AFAP1L1: variants seen among roughly 807,000 people sequenced by gnomAD.
AFAP1L1 encodes actin filament-associated protein 1-like 1.
In AFAP1L1, 77 loss-of-function variants were observed where a neutral mutation model predicts 99.8. The ratio of observed to expected loss-of-function variants is 0.77; its 90% CI spans 0.64 to 0.93. The LOEUF (loss-of-function observed/expected upper bound fraction) is 0.93, where lower values mean the gene tolerates loss of function less well. Ranked by LOEUF, AFAP1L1 falls within the 40% of genes least tolerant of loss-of-function variation. The pLI is 0.00. For synonymous variants in AFAP1L1, 373 were observed against 395.3 expected (o/e 0.94, Z 0.67); for missense variants, 893 against 996.8 (o/e 0.90, Z 1.40).
At chr5:149,312,036 C>A in intron 8 of AFAP1L1, 76 bp from the exon 9 acceptor site, 1 of 1,372,632 alleles carries the variant, frequency 7.3e-7, no homozygotes, top group Non-Finnish European at 1.0e-6. Flanking sequence ...ACAGCATTCA[C>A]CACACAGTCC....
intron 1 of AFAP1L1, among the ~76,000 whole-genome samples, chr5:149,289,161 C>T (rs956252603): frequency 1.3e-5 from 2 of 152,162 alleles, no homozygotes; most frequent in African/African-American, 2.4e-5. Flanking sequence ...TCCGAAATTA[C>T]GTACGGGCAA....
intron 7 of AFAP1L1, 67 bp from the exon 8 acceptor site, chr5:149,309,889 T>C (rs965560909): frequency 1.2e-6 from 2 of 1,603,026 alleles, no homozygotes; most frequent in Non-Finnish European, 8.5e-7. Context: ...CGAGCCTTTG[T>C]GTGAGGATGT....
intron 15 of AFAP1L1, among the ~76,000 whole-genome samples, chr5:149,322,950 A>G (rs916167776): frequency 6.6e-6 from 1 of 152,054 alleles, no homozygotes; most frequent in Non-Finnish European, 1.5e-5. Context: ...GTACTGTAGG[A>G]AACCGGTACC....
intron 1 of AFAP1L1, among the ~76,000 whole-genome samples, chr5:149,293,790 A>G (rs1403729418): frequency 1.3e-5 from 2 of 152,244 alleles, no homozygotes; most frequent in African/African-American, 4.8e-5. Flanking sequence ...CTTCACAAGC[A>G]TAACCTTACC....
Position 149,304,541 on chromosome 5 carries a change from C to T in AFAP1L1, c.437-1765C>T, listed in dbSNP as rs370345215. Among the ~76,000 whole-genome samples, 23 of 152,334 alleles carry T rather than the reference C, an allele frequency of 1.5e-4. No homozygotes were observed. In the East Asian group the frequency reaches 3.3e-3, roughly 22 times the overall value. The stretch of plus-strand genomic sequence containing the variant: ...CAGACAGGGCAGAGAAGACACCTCC[C>T]AGAAGCAGCTGGAATCCTGGGGCAG... On this transcript the variant is annotated intron_variant, in intron 5 of 18. Coordinates refer to ENST00000296721, the MANE Select transcript of AFAP1L1 (RefSeq NM_152406.4).
intron 1 of AFAP1L1, among the ~76,000 whole-genome samples, chr5:149,276,194 A>G (rs1039251686): frequency 6.6e-6 from 1 of 152,186 alleles, no homozygotes; most frequent in African/African-American, 2.4e-5. Flanking sequence ...AAGCTGCACT[A>G]TTCAGATATT....
In AFAP1L1 at chr5:149,320,428, C is replaced by T. The variant is rs895245879; in HGVS notation, c.1663C>T (p.Arg555Ter). 6.2e-6 allele frequency: 10 copies of T among 1,614,044 alleles called. No homozygotes were observed. The highest frequency in any genetic ancestry group is 4.0e-5 in the African/African-American group (3 of 74,926). Residue 555 changes from arginine (R) to a stop codon, truncating the protein, a stop_gained, in exon 14 of 19, where the codon CGA (arginine) becomes TGA (stop). Coordinates refer to ENST00000296721, the MANE Select transcript of AFAP1L1 (RefSeq NM_152406.4). LOFTEE classifies it high-confidence loss of function. The surrounding 1 kb of genome is among the most constrained non-coding windows in gnomAD (Gnocchi z 4.0). ...CTGCCAGAATCAGTGGCCTGAGCCC[C>T]GAGTCTATGATGATGTTCCTTATGA... ...RSCQNQWPEP[R>*]VYDDVPYEKM...
rs762669097 is a variant in AFAP1L1 at position 149,320,076 on chromosome 5, C to T, written c.1626-315C>T. ...CATTTGGTACTAGAAGAGCCAAGTT[C>T]GAGTCCCAGCTCAGTCACCACCAGC... On this transcript the variant is annotated intron_variant, in intron 13 of 18. Coordinates refer to ENST00000296721, the MANE Select transcript of AFAP1L1 (RefSeq NM_152406.4). This position sits in a 1 kb window ranked among gnomAD's most constrained non-coding sequence, Gnocchi z 4.0. Among the ~76,000 whole-genome samples the T allele has an allele frequency of 2.6e-5, 4 of 152,150 alleles. No homozygotes were observed. Among genetic ancestry groups the T allele is most frequent in the South Asian group, 2.1e-4 (1 of 4,822 alleles).
At chr5:149,308,016 G>T (rs1414894802) in intron 7 of AFAP1L1, among the ~76,000 whole-genome samples, 1 of 151,898 alleles carries the variant, frequency 6.6e-6, no homozygotes, top group Non-Finnish European at 1.5e-5. Flanking sequence ...AATTAGCCAG[G>T]TGTGCGCCTG....
Position 149,300,364 on chromosome 5 carries a change from C to T in AFAP1L1, c.229+10C>T. The T allele has an allele frequency of 6.2e-7, 1 of 1,608,406 alleles. No individual in the cohort carries two copies. The highest frequency in any genetic ancestry group is 8.5e-7 in the Non-Finnish European group (1 of 1,176,164). On this transcript the variant is annotated intron_variant, in intron 3 of 18. Transcript: ENST00000296721. Reference sequence around the variant, plus strand: ...CTCTTTGAAGAATTTGGTAAGTGACCCTCTCCCAACCTCAGCTACGGAGCC... The same window carrying T: ...CTCTTTGAAGAATTTGGTAAGTGACTCTCTCCCAACCTCAGCTACGGAGCC...
At chr5:149,329,474 C>T (rs939177798) in intron 15 of AFAP1L1, among the ~76,000 whole-genome samples, 192 bp from the exon 16 acceptor site, 4 of 152,202 alleles carry the variant, frequency 2.6e-5, no homozygotes, top group South Asian at 2.1e-4. Context: ...GCTCCTAGTC[C>T]GTGTGCCCTG....
Position 149,342,194 on chromosome 5 carries a change from T to G in AFAP1L1, c.*2164T>G, listed in dbSNP as rs749097758. ...GAACAAGGAGTTCTGCTTTTCCTTT[T>G]GCCCTTTAAATTAGATAGCCAGTCC... On this transcript the variant is annotated 3_prime_UTR_variant, in exon 19 of 19. Transcript: ENST00000296721. Among the ~76,000 whole-genome samples, 1 of 152,224 alleles carries G rather than the reference T, an allele frequency of 6.6e-6. No individual in the cohort carries two copies. Among genetic ancestry groups the G allele is most frequent in the Non-Finnish European group, 1.5e-5 (1 of 68,030 alleles).
At chr5:149,323,604 A>C (rs1225458190) in intron 15 of AFAP1L1, among the ~76,000 whole-genome samples, 1 of 152,240 alleles carries the variant, frequency 6.6e-6, no homozygotes, top group African/African-American at 2.4e-5. Context: ...TTTTTAAAAA[A>C]TACTTTTCTG....
chr5:149,314,314 A>G (rs986471623), intron 9 of AFAP1L1, among the ~76,000 whole-genome samples: 1 of 152,312 alleles, frequency 6.6e-6, no homozygotes, highest in African/African-American at 2.4e-5. Context: ...ACTTGCCAGC[A>G]CATGCTGAGG....
At chr5:149,287,825 G>A (rs1372503420) in intron 1 of AFAP1L1, among the ~76,000 whole-genome samples, 3 of 148,356 alleles carry the variant, frequency 2.0e-5, no homozygotes, top group African/African-American at 5.0e-5. Flanking sequence ...CAAGTGATCC[G>A]CCCACCTCAG....
Position 149,322,628 on chromosome 5 carries a change from C to A in AFAP1L1, c.1721C>A (p.Thr574Lys). 4 of 1,585,336 alleles carry A rather than the reference C, an allele frequency of 2.5e-6. No individual in the cohort carries two copies. Among genetic ancestry groups the A allele is most frequent in the Non-Finnish European group, 2.6e-6 (3 of 1,164,732 alleles). The change falls in exon 15 of 19, where the codon ACA (threonine) becomes AAA (lysine). Residue 574 changes from threonine to lysine, a missense_variant. By Grantham distance (78) the Thr-to-Lys change is moderately conservative (BLOSUM62 -1). Coordinates refer to ENST00000296721, the MANE Select transcript of AFAP1L1 (RefSeq NM_152406.4). The part of the protein sequence containing the change: ...KMQDEEPERP[T>K]GAQVKRHASS... ...CAGGACGAGGAGCCCGAGCGCCCCACAGGGGCCCAGGTGAAGCGTCACGCC... is the reference window on the plus strand; with the variant it reads ...CAGGACGAGGAGCCCGAGCGCCCCAAAGGGGCCCAGGTGAAGCGTCACGCC...
Position 149,301,641 on chromosome 5 carries a change from C to A in AFAP1L1, c.327+411C>A, listed in dbSNP as rs1268791745. ...ACCTCTGCCCACCCCCATGACTCTGCTGTGTAGCCTTAGGCGAGTCGCTTC... is the reference window on the plus strand; with the variant it reads ...ACCTCTGCCCACCCCCATGACTCTGATGTGTAGCCTTAGGCGAGTCGCTTC... On this transcript the variant is annotated intron_variant, in intron 4 of 18. Transcript: ENST00000296721. 5.3e-5 allele frequency among the ~76,000 whole-genome samples: 8 copies of A among 152,302 alleles called. No homozygotes were observed. The South Asian group carries it at 1.7e-3, about 32-fold the overall frequency.
chr5:149,271,894 AGCGCGCCGGCC>A lies in AFAP1L1; in HGVS notation c.-72_-62del. The stretch of plus-strand genomic sequence containing the variant: ...GGCCGCTGGGCTGGCCTGAGAGCGC[AGCGCGCCGGCC>A]GCTACCAGCCGCGCCGGAGCCCCTG... On this transcript the variant is annotated 5_prime_UTR_variant, in exon 1 of 19. Coordinates refer to ENST00000296721, the MANE Select transcript of AFAP1L1 (RefSeq NM_152406.4). The A allele has an allele frequency of 8.8e-7, 1 of 1,132,424 alleles. No homozygotes were observed. Among genetic ancestry groups the A allele is most frequent in the Non-Finnish European group, 1.1e-6 (1 of 908,074 alleles). The allele number at this position is 1,132,424 out of a possible 1,614,324, so 70.1% of individuals were successfully genotyped here.
At chr5:149,306,491 G>A in intron 6 of AFAP1L1, 87 bp downstream of exon 6, 3 of 1,219,462 alleles carry the variant, frequency 2.5e-6, no homozygotes, top group Non-Finnish European at 3.4e-6. Flanking sequence ...GCATGGGTGT[G>A]CCCACCAGCC....
Sources: gnomAD v4.1 joint callset for allele counts (sites outside exome capture counted in the v4.1 genomes callset) on GRCh38, gnomAD v4.1.1 for gene constraint, Gnocchi (gnomAD v3.1) non-coding constraint, MANE v1.5 for transcripts, NCBI Gene and HGNC (gene_info 2026-07-23, HGNC 2026-07-21) for gene names.